The following NIN variants were observed in gnomAD, a reference collection of about 807,000 sequenced individuals.
NIN encodes glycogen synthase kinase 3 beta-interacting protein.
NIN carries 137 observed loss-of-function variants against 257.6 expected under a neutral mutation model. The ratio of observed to expected loss-of-function variants is 0.53; its 90% CI spans 0.46 to 0.61. The LOEUF (loss-of-function observed/expected upper bound fraction) is 0.61. Ranked by LOEUF, NIN falls within the 20% of genes least tolerant of loss-of-function variation. The probability of loss-of-function intolerance (pLI) is 0.00; values close to 1 mark genes in which losing one functional copy is unlikely to be tolerated. For missense variants in NIN, 2,439 were observed against 2,501.2 expected (o/e 0.98, Z 0.53); for synonymous variants, 918 against 919.8 (o/e 1.00, Z 0.04).
chr14:50,756,849 A>C lies in NIN; in HGVS notation c.4181T>G (p.Leu1394Arg). Residue 1394 changes from leucine (L) to arginine (R), a missense_variant, in exon 18 of 31, where the codon CTT (leucine) becomes CGT (arginine). Around this residue, in one of 3 missense-constraint regions of NIN, gnomAD observed 2,043 missense variants for 2,050.2 expected, o/e 1.00. Transcript: ENST00000530997. Reference sequence around the variant, plus strand: ...TTCCAAGAGCTGTGTGTTCCCCTCAAGGTACTGGTTTTCTTGCTTACATTC... The same window carrying C: ...TTCCAAGAGCTGTGTGTTCCCCTCACGGTACTGGTTTTCTTGCTTACATTC... ...IEECKQENQY[L>R]EGNTQLLEKV... is the part of the protein sequence containing the mutation. 1 of 1,551,958 alleles carries C rather than the reference A, an allele frequency of 6.4e-7. No homozygotes were observed. The highest frequency in any genetic ancestry group is 8.7e-7 in the Non-Finnish European group (1 of 1,147,046).
chr14:50,744,159 G>T (rs905677471), intron 23 of NIN, 84 bp downstream of exon 23: 7 of 1,403,204 alleles, frequency 5.0e-6, no homozygotes, highest in Non-Finnish European at 9.9e-7. Flanking sequence ...ACCACAGGAG[G>T]CCCCTGTGCC....
chr14:50,780,292 C>A (rs1045149621), intron 5 of NIN, among the ~76,000 whole-genome samples: 3 of 152,210 alleles, frequency 2.0e-5, no homozygotes, highest in African/African-American at 4.8e-5. Flanking sequence ...AGCAGTGATC[C>A]AGCTTTATGA....
chr14:50,781,256 A>G (rs1200384947), intron 5 of NIN, among the ~76,000 whole-genome samples: 1 of 152,098 alleles, frequency 6.6e-6, no homozygotes, highest in Non-Finnish European at 1.5e-5. Flanking sequence ...CCAAATCTCA[A>G]GCAGGGGATG....
chr14:50,766,231 C>CA (rs1187712457), intron 14 of NIN, 76 bp downstream of exon 14: 1 of 1,099,756 alleles, frequency 9.1e-7, no homozygotes, highest in Non-Finnish European at 1.4e-6. Flanking sequence ...CTTAGGGTCA[C>CA]AGAGCTAGGG....
chr14:50,778,658 A>C, intron 6 of NIN, 107 bp downstream of exon 6: 1 of 936,532 alleles, frequency 1.1e-6, no homozygotes, highest in South Asian at 1.4e-5. Flanking sequence ...TGTTGTTCTT[A>C]ATGTTAATTC....
Position 50,757,007 on chromosome 14 carries a change from C to A in NIN, c.4023G>T (p.Gln1341His). ...KIEKLQESVV[Q>H]RCDCCLWEAS... ...CTTCCCATAAGCAGCAGTCACACCG[C>A]TGGACCACGCTTTCCTGAAGCTTCT... The change falls in exon 18 of 31, where the codon CAG (glutamine) becomes CAT (histidine). Residue 1341 changes from glutamine to histidine, a missense_variant. Physicochemically the swap from Gln to His is conservative, Grantham distance 24. Coordinates refer to ENST00000530997, the MANE Select transcript of NIN (RefSeq NM_020921.4). 6.2e-7 allele frequency: 1 copy of A among 1,613,118 alleles called. No homozygotes were observed. Among genetic ancestry groups the A allele is most frequent in the African/African-American group, 1.3e-5 (1 of 74,972 alleles).
intron 15 of NIN, 55 bp downstream of exon 15, chr14:50,763,771 C>A: frequency 1.3e-6 from 2 of 1,505,520 alleles, no homozygotes; most frequent in Non-Finnish European, 1.8e-6. Flanking sequence ...TATTGAACCA[C>A]GTTTCTAAAA....
chr14:50,769,066 T>C (rs796916350), intron 12 of NIN, among the ~76,000 whole-genome samples: 2 of 152,358 alleles, frequency 1.3e-5, no homozygotes, highest in African/African-American at 4.8e-5. Context: ...GAGTAATAAT[T>C]ACCTCAGTTT....
chr14:50,765,719 G>A (rs2042452831), intron 14 of NIN, among the ~76,000 whole-genome samples: 3 of 149,390 alleles, frequency 2.0e-5, no homozygotes, highest in African/African-American at 7.4e-5. Flanking sequence ...AATAAATGGA[G>A]TAAAAAATGT....
At chr14:50,725,000 T>C (rs11849730) in intron 30 of NIN, among the ~76,000 whole-genome samples, 4,640 of 152,312 alleles carry the variant, frequency 0.03, 246 homozygotes, top group African/African-American at 0.11. Context: ...GCAGGGGCTT[T>C]GTTCACTGTT....
intron 12 of NIN, among the ~76,000 whole-genome samples, chr14:50,767,475 A>G (rs1595818763): frequency 1.3e-5 from 2 of 152,198 alleles, no homozygotes; most frequent in African/African-American, 4.8e-5. Flanking sequence ...ATTACAAAAT[A>G]CCTTGTTCAG....
intron 3 of NIN, among the ~76,000 whole-genome samples, chr14:50,820,687 T>C (rs1279000265): frequency 2.0e-5 from 3 of 152,190 alleles, no homozygotes; most frequent in South Asian, 2.1e-4. Flanking sequence ...CACATGTATG[T>C]AGAGACAGCT....
At chr14:50,730,351 G>A (rs1451376242) in intron 28 of NIN, among the ~76,000 whole-genome samples, 2 of 152,296 alleles carry the variant, frequency 1.3e-5, no homozygotes, top group African/African-American at 2.4e-5. Context: ...AAGACAATGA[G>A]GAAATGTGTA....
intron 3 of NIN, among the ~76,000 whole-genome samples, chr14:50,808,296 G>C (rs925759878): frequency 2.6e-5 from 4 of 152,218 alleles, no homozygotes; most frequent in Non-Finnish European, 5.9e-5. Context: ...ATAGGCTCCA[G>C]TTAACATGCG....
intron 10 of NIN, 91 bp from the exon 11 acceptor site, chr14:50,771,083 G>A: frequency 1.4e-6 from 2 of 1,464,568 alleles, no homozygotes; most frequent in Non-Finnish European, 1.8e-6. Flanking sequence ...CATCAATACA[G>A]AAGCAAAACC....
chr14:50,770,608 G>A (rs1377775014), intron 11 of NIN, 46 bp from the exon 12 acceptor site: 1 of 1,594,248 alleles, frequency 6.3e-7, no homozygotes, highest in South Asian at 1.1e-5. Flanking sequence ...TCTTTCAGAG[G>A]TCCCAGTATC....
intron 5 of NIN, among the ~76,000 whole-genome samples, chr14:50,786,911 G>C (rs1566846332): frequency 6.6e-6 from 1 of 152,228 alleles, no homozygotes; most frequent in African/African-American, 2.4e-5. Context: ...GAAAAGATAA[G>C]TCAGTTTCAC....
In NIN at chr14:50,771,546, T is replaced by TAC. The variant is rs2042732731; in HGVS notation, c.982-80_982-79dup. 2.7e-6 allele frequency: 4 copies of TAC among 1,490,860 alleles called. No individual in the cohort carries two copies. In the South Asian group the frequency reaches 4.9e-5, roughly 18 times the overall value. 92.4% of individuals were successfully genotyped at this position (1,490,860 alleles called of 1,614,324 possible). A position where few individuals can be genotyped will look rare whatever the true frequency, so the allele number is the denominator to read the frequency against. Reference sequence around the variant, plus strand: ...CTGAAAGCAGAAAATGTGAAGGCTATACAAACTCTGAGAGCTGACAATGAT... The same window carrying TAC: ...CTGAAAGCAGAAAATGTGAAGGCTATACACAAACTCTGAGAGCTGACAATGAT... On this transcript the variant is annotated intron_variant, in intron 9 of 30. Transcript: ENST00000530997.
rs1256578114 is a variant in NIN at position 50,801,216 on chromosome 14, G to A, written c.265+5521C>T. Among the ~76,000 whole-genome samples the A allele has an allele frequency of 2.7e-5, 4 of 150,080 alleles. No individual in the cohort carries two copies. The South Asian group carries it at 6.4e-4, about 24-fold the overall frequency. Reference sequence around the variant, plus strand: ...AGCGATTCTCCTGCCTCAGCCTCCCGAGTAGCTGGGATTACAGGCGCCTGC... The same window carrying A: ...AGCGATTCTCCTGCCTCAGCCTCCCAAGTAGCTGGGATTACAGGCGCCTGC... On this transcript the variant is annotated intron_variant, in intron 4 of 30. Transcript: ENST00000530997.
Sources: allele counts gnomAD v4.1 joint callset (sites outside exome capture counted in the v4.1 genomes callset), GRCh38; gene constraint gnomAD v4.1.1; regional missense constraint gnomAD v4.1.1; transcripts MANE v1.5; gene names NCBI Gene and HGNC (gene_info 2026-07-23, HGNC 2026-07-21).